Variants in ATP6V1E1 observed in about 807,000 individuals in gnomAD.
ATP6V1E1 encodes V-type proton ATPase subunit E 1.
Under a neutral mutation model 35.2 loss-of-function variants are expected in ATP6V1E1, and 21 were observed. The ratio of observed to expected loss-of-function variants is 0.60; its 90% CI spans 0.42 to 0.86. The LOEUF (loss-of-function observed/expected upper bound fraction) is 0.86, where lower values mean the gene tolerates loss of function less well. ATP6V1E1 is among the 40% of genes least tolerant of loss of function. ATP6V1E1 has a pLI of 0.00. For missense variants in ATP6V1E1, 183 were observed against 272.6 expected (o/e 0.67, Z 2.32); for synonymous variants, 83 against 87.8 (o/e 0.95, Z 0.30).
intron 1 of ATP6V1E1, among the ~76,000 whole-genome samples, chr22:17,626,301 T>C (rs1383273504): frequency 1.3e-4 from 13 of 102,686 alleles, no homozygotes; most frequent in African/African-American, 5.3e-4. Context: ...GAGCGAGACT[T>C]CGTCTCAAAA....
chr22:17,604,099 C>T (rs940612576), intron 4 of ATP6V1E1, among the ~76,000 whole-genome samples: 1 of 152,180 alleles, frequency 6.6e-6, no homozygotes. Context: ...ACCTAATTGA[C>T]ATAAACTGTG....
intron 4 of ATP6V1E1, among the ~76,000 whole-genome samples, chr22:17,611,553 A>G (rs1342107804): frequency 2.0e-5 from 3 of 152,200 alleles, no homozygotes; most frequent in Non-Finnish European, 4.4e-5. Flanking sequence ...TCCCTCAAAC[A>G]TGTCCAAAAG....
chr22:17,594,651 C>G, intron 7 of ATP6V1E1, 35 bp from the exon 8 acceptor site: 1 of 1,498,216 alleles, frequency 6.7e-7, no homozygotes, highest in Non-Finnish European at 9.0e-7. Flanking sequence ...TAATCATTTT[C>G]AAAGACTTGA....
At chr22:17,603,329 C>T (rs945411213) in intron 4 of ATP6V1E1, among the ~76,000 whole-genome samples, 5 of 151,726 alleles carry the variant, frequency 3.3e-5, no homozygotes, top group Admixed American at 1.3e-4. Flanking sequence ...TGAGACCAGC[C>T]GGGGCAACAG....
chr22:17,627,547 G>A (rs962425146), intron 1 of ATP6V1E1, among the ~76,000 whole-genome samples: 9 of 151,690 alleles, frequency 5.9e-5, no homozygotes, highest in Non-Finnish European at 1.2e-4. Context: ...GGCCTGGCGC[G>A]TTGGCTCATG....
chr22:17,610,602 C>T (rs1349255574), intron 4 of ATP6V1E1, among the ~76,000 whole-genome samples: 2 of 152,082 alleles, frequency 1.3e-5, no homozygotes, highest in African/African-American at 4.8e-5. Context: ...GTGTTATAGC[C>T]CTTGCTACTT....
intron 6 of ATP6V1E1, among the ~76,000 whole-genome samples, chr22:17,598,673 C>CAG (rs1299334929): frequency 6.6e-6 from 1 of 152,098 alleles, no homozygotes; most frequent in Non-Finnish European, 1.5e-5. Context: ...CTTCAACTGG[C>CAG]AGTTGCAGAT....
chr22:17,627,544 C>A (rs149110454), intron 1 of ATP6V1E1, among the ~76,000 whole-genome samples: 1 of 151,686 alleles, frequency 6.6e-6, no homozygotes, highest in Non-Finnish European at 1.5e-5. Flanking sequence ...ACAGGCCTGG[C>A]GCGTTGGCTC....
chr22:17,624,535 G>A (rs549053177), intron 1 of ATP6V1E1, among the ~76,000 whole-genome samples: 29 of 150,694 alleles, frequency 1.9e-4, no homozygotes, highest in African/African-American at 6.3e-4. Context: ...GCCTGGGCAA[G>A]AGAGCGAGAC....
At chr22:17,620,156 T>TG (rs1349901603) in intron 1 of ATP6V1E1, among the ~76,000 whole-genome samples, 2 of 151,542 alleles carry the variant, frequency 1.3e-5, no homozygotes, top group Non-Finnish European at 2.9e-5. Flanking sequence ...CTTTGTTTTT[T>TG]TTTTTTTTTG....
intron 1 of ATP6V1E1, among the ~76,000 whole-genome samples, chr22:17,621,066 A>G (rs2057874560): frequency 6.6e-6 from 1 of 152,080 alleles, no homozygotes; most frequent in Non-Finnish European, 1.5e-5. Context: ...TGTCTCAAAA[A>G]AAAAAATAGT....
At chr22:17,617,092 A>C (rs2057850221) in intron 2 of ATP6V1E1, among the ~76,000 whole-genome samples, 1 of 152,142 alleles carries the variant, frequency 6.6e-6, no homozygotes, top group Non-Finnish European at 1.5e-5. Flanking sequence ...TCACCATCAA[A>C]ACAATATTAA....
At chr22:17,626,325 A>AAAAAAAAAAAAAAAAAAAAG (rs1555864859) in intron 1 of ATP6V1E1, among the ~76,000 whole-genome samples, 2 of 122,906 alleles carry the variant, frequency 1.6e-5, no homozygotes, top group African/African-American at 3.6e-5. Context: ...AAAAAAAAAA[A>AAAAAAAAAAAAAAAAAAAAG]AAAGAAAGAA....
At chr22:17,608,836 C>T (rs982894671) in intron 4 of ATP6V1E1, among the ~76,000 whole-genome samples, 1 of 152,178 alleles carries the variant, frequency 6.6e-6, no homozygotes, top group Non-Finnish European at 1.5e-5. Flanking sequence ...CCTGTAATCC[C>T]AGCACTTTGG....
chr22:17,608,930 C>CA (rs1402516230), intron 4 of ATP6V1E1, among the ~76,000 whole-genome samples: 8 of 151,880 alleles, frequency 5.3e-5, no homozygotes, highest in Non-Finnish European at 1.0e-4. Flanking sequence ...ACTAAAAATA[C>CA]AAAAAATTAG....
At chr22:17,624,414 T>G (rs1328015231) in intron 1 of ATP6V1E1, among the ~76,000 whole-genome samples, 1 of 151,256 alleles carries the variant, frequency 6.6e-6, no homozygotes, top group East Asian at 1.9e-4. Context: ...ATTAGCTGGG[T>G]GTGGTGGCGG....
At chr22:17,626,325 A>AGAAAG (rs1555864860) in intron 1 of ATP6V1E1, among the ~76,000 whole-genome samples, 4 of 122,936 alleles carry the variant, frequency 3.3e-5, no homozygotes, top group South Asian at 4.9e-4. Context: ...AAAAAAAAAA[A>AGAAAG]AAAGAAAGAA....
intron 1 of ATP6V1E1, among the ~76,000 whole-genome samples, chr22:17,626,477 T>C (rs139336709): frequency 2.0e-5 from 3 of 152,006 alleles, no homozygotes; most frequent in Admixed American, 6.6e-5. Flanking sequence ...TGGGCTCAAA[T>C]GATTCTCCCA....
At chr22:17,598,377 T>A (rs1415798563) in intron 6 of ATP6V1E1, 89 bp from the exon 7 acceptor site, 2 of 1,012,354 alleles carry the variant, frequency 2.0e-6, no homozygotes, top group African/African-American at 3.2e-5. Context: ...CAAGGATACC[T>A]CCATTTATCC....
Sources: allele counts gnomAD v4.1 joint callset (sites outside exome capture counted in the v4.1 genomes callset), GRCh38; gene constraint gnomAD v4.1.1; transcripts MANE v1.5; gene names NCBI Gene and HGNC (gene_info 2026-07-23, HGNC 2026-07-21).